The following DNER variants were observed in gnomAD, a reference collection of about 807,000 sequenced individuals.
DNER encodes the protein delta/notch like EGF repeat containing.
A neutral mutation model predicts 78.2 loss-of-function variants in DNER; 33 were observed. That is an observed-to-expected ratio of 0.42 (90% CI 0.32 to 0.56). The LOEUF (loss-of-function observed/expected upper bound fraction) is 0.56. DNER is among the 20% of genes least tolerant of loss of function. The probability of loss-of-function intolerance (pLI) is 0.11; values close to 1 mark genes in which losing one functional copy is unlikely to be tolerated. For synonymous variants in DNER, 417 were observed against 384.8 expected (o/e 1.08, Z -0.98); for missense variants, 918 against 975.3 (o/e 0.94, Z 0.78).
At chr2:229,434,347 AAC>A (rs1443880028) in intron 8 of DNER, among the ~76,000 whole-genome samples, 1 of 152,190 alleles carries the variant, frequency 6.6e-6, no homozygotes, top group African/African-American at 2.4e-5. Flanking sequence ...ATCCTTTAAG[AAC>A]AGTTTTAGAA....
At chr2:229,459,865 C>T (rs1694654310) in intron 7 of DNER, among the ~76,000 whole-genome samples, 2 of 150,942 alleles carry the variant, frequency 1.3e-5, no homozygotes, top group Non-Finnish European at 1.5e-5. Context: ...CATCTCAAAA[C>T]AAAAAAAAGA....
chr2:229,695,717 T>C (rs890043562), intron 1 of DNER, among the ~76,000 whole-genome samples: 3 of 152,214 alleles, frequency 2.0e-5, no homozygotes, highest in Non-Finnish European at 4.4e-5. Context: ...CAAAGAACTC[T>C]ACCTCTTTCC....
intron 6 of DNER, among the ~76,000 whole-genome samples, chr2:229,483,682 C>CA (rs374990393): frequency 3.4e-4 from 52 of 152,276 alleles, no homozygotes; most frequent in African/African-American, 1.2e-3. Context: ...TCTGGGATGC[C>CA]AAAAAACTCA....
chr2:229,646,227 T>C (rs1181706182), intron 1 of DNER, among the ~76,000 whole-genome samples: 4 of 152,200 alleles, frequency 2.6e-5, no homozygotes, highest in African/African-American at 9.7e-5. Context: ...GGCGTCATTA[T>C]AAGAAGTGGC....
Position 229,516,427 on chromosome 2 carries a change from G to T in DNER, c.994-3491C>A, listed in dbSNP as rs534740190. 3.0e-4 allele frequency among the ~76,000 whole-genome samples: 45 copies of T among 152,188 alleles called. 1 individual carries two copies. Among genetic ancestry groups the T allele is most frequent in the Non-Finnish European group, 5.6e-4 (38 of 68,004 alleles). ...ACTCCAATTAACTCCACCAGCATAA[G>T]GGACAAAATAAACTTACTTAAAATT... On this transcript the variant is annotated intron_variant, in intron 5 of 12. Coordinates refer to ENST00000341772, the MANE Select transcript of DNER (RefSeq NM_139072.4).
chr2:229,634,512 A>G (rs1307841102), intron 1 of DNER, among the ~76,000 whole-genome samples: 1 of 152,238 alleles, frequency 6.6e-6, no homozygotes, highest in Non-Finnish European at 1.5e-5. Flanking sequence ...CTAGAAACAT[A>G]TACTCAAAAA....
At chr2:229,514,386 T>C (rs1695929730) in intron 5 of DNER, among the ~76,000 whole-genome samples, 1 of 152,174 alleles carries the variant, frequency 6.6e-6, no homozygotes, top group Admixed American at 6.5e-5. Flanking sequence ...CAAGGTTACA[T>C]TGGCAGCTCT....
intron 1 of DNER, among the ~76,000 whole-genome samples, chr2:229,617,548 C>CA (rs11302660): frequency 2.6e-5 from 4 of 151,406 alleles, no homozygotes; most frequent in South Asian, 2.1e-4. Context: ...TTCTAACACA[C>CA]AAAAAAAAAG....
intron 7 of DNER, among the ~76,000 whole-genome samples, chr2:229,468,376 T>A: frequency 6.6e-6 from 1 of 152,182 alleles, no homozygotes; most frequent in East Asian, 1.9e-4. Flanking sequence ...CCCAAGTTGT[T>A]CTTGGGGATA....
At chr2:229,519,277 G>A (rs562048388) in intron 5 of DNER, among the ~76,000 whole-genome samples, 55 of 152,168 alleles carry the variant, frequency 3.6e-4, no homozygotes, top group Admixed American at 5.9e-4. Context: ...CTGTGTGTTG[G>A]TGAACAAATC....
chr2:229,598,174 C>A (rs1279099461), intron 1 of DNER, among the ~76,000 whole-genome samples: 1 of 152,250 alleles, frequency 6.6e-6, no homozygotes, highest in East Asian at 1.9e-4. Context: ...TGGACACCTG[C>A]ATCAGCATTA....
intron 1 of DNER, among the ~76,000 whole-genome samples, chr2:229,680,369 C>T (rs1438625630): frequency 6.6e-6 from 1 of 152,180 alleles, no homozygotes; most frequent in Non-Finnish European, 1.5e-5. Flanking sequence ...TTGGCCAACT[C>T]TTAATTGGAC....
chr2:229,448,027 T>G (rs1559354468), intron 7 of DNER, among the ~76,000 whole-genome samples: 1 of 152,148 alleles, frequency 6.6e-6, no homozygotes, highest in Non-Finnish European at 1.5e-5. Flanking sequence ...TAGTAAACAA[T>G]GAAAAAGTCT....
In DNER at chr2:229,367,109, C is replaced by G. The variant is rs866256730; in HGVS notation, c.1866G>C (p.Trp622Cys). 1.9e-6 allele frequency: 3 copies of G among 1,613,932 alleles called. No homozygotes were observed. Among genetic ancestry groups the G allele is most frequent in the Non-Finnish European group, 2.5e-6 (3 of 1,180,014 alleles). ...GGCTCTCCGCCATGTGCCCGGACTTCCATTGGAGGTCTGCAGGCAAAAATA... is the reference window on the plus strand; with the variant it reads ...GGCTCTCCGCCATGTGCCCGGACTTGCATTGGAGGTCTGCAGGCAAAAATA... ...VGANCEIHLQWKSGHMAESLT... is the reference protein window; with the variant it reads ...VGANCEIHLQCKSGHMAESLT... Residue 622 changes from tryptophan to cysteine, a missense_variant, in exon 12 of 13, where the codon TGG becomes TGC. Coordinates refer to ENST00000341772, the MANE Select transcript of DNER (RefSeq NM_139072.4).
intron 8 of DNER, among the ~76,000 whole-genome samples, chr2:229,443,268 T>A (rs1010962991): frequency 1.3e-5 from 2 of 152,170 alleles, no homozygotes; most frequent in African/African-American, 4.8e-5. Context: ...CAGGGACTCC[T>A]TCCAATACCG....
chr2:229,515,741 A>C (rs1695957698), intron 5 of DNER, among the ~76,000 whole-genome samples: 1 of 150,990 alleles, frequency 6.6e-6, no homozygotes, highest in South Asian at 2.1e-4. Flanking sequence ...CCTGGGTGCA[A>C]GCGATTCTCA....
intron 6 of DNER, among the ~76,000 whole-genome samples, chr2:229,479,712 CAAA>C (rs1023070502): frequency 1.3e-5 from 1 of 79,814 alleles, no homozygotes; most frequent in African/African-American, 4.7e-5. Flanking sequence ...GACTTTGTCT[CAAA>C]AAAAAAAAAA....
chr2:229,485,942 G>C (rs1358208594), intron 6 of DNER, among the ~76,000 whole-genome samples: 5 of 152,134 alleles, frequency 3.3e-5, no homozygotes, highest in Non-Finnish European at 5.9e-5. Context: ...TAACGCTCCT[G>C]GTCTTTTAAT....
intron 1 of DNER, among the ~76,000 whole-genome samples, chr2:229,657,482 A>G (rs2154216446): frequency 6.6e-6 from 1 of 152,346 alleles, no homozygotes; most frequent in East Asian, 1.9e-4. Flanking sequence ...AAGTTCCTCA[A>G]AAAACAATTT....
Sources: allele counts gnomAD v4.1 joint callset (sites outside exome capture counted in the v4.1 genomes callset), GRCh38; gene constraint gnomAD v4.1.1; transcripts MANE v1.5; gene names NCBI Gene and HGNC (gene_info 2026-07-23, HGNC 2026-07-21).